The following USP34 variants were observed in gnomAD, a reference collection of about 807,000 sequenced individuals.
USP34 encodes ubiquitin carboxyl-terminal hydrolase 34.
A neutral mutation model predicts 460.3 loss-of-function variants in USP34; 70 were observed. That is an observed-to-expected ratio of 0.15 (90% CI 0.13 to 0.19). The LOEUF (loss-of-function observed/expected upper bound fraction) is 0.19. Among genes scored for constraint, USP34 ranks in the 10% least tolerant of loss-of-function variants. The probability of loss-of-function intolerance (pLI) is 1.00; values close to 1 mark genes in which losing one functional copy is unlikely to be tolerated. For missense variants in USP34, 3,985 were observed against 4,236.2 expected (o/e 0.94, Z 1.65); for synonymous variants, 1,647 against 1,405.3 (o/e 1.17, Z -3.85).
intron 62 of USP34, among the ~76,000 whole-genome samples, chr2:61,226,151 C>G (rs1195900811): frequency 6.6e-6 from 1 of 152,166 alleles, no homozygotes; most frequent in East Asian, 1.9e-4. Flanking sequence ...ACAGCAAAAT[C>G]ACGAACAAAA....
chr2:61,202,719 C>A (rs1558463860), intron 75 of USP34, among the ~76,000 whole-genome samples: 1 of 152,204 alleles, frequency 6.6e-6, no homozygotes, highest in South Asian at 2.1e-4. Flanking sequence ...GGCAAGCCCA[C>A]TGCTCTTGCC....
chr2:61,198,109 C>T (rs1329705159), intron 75 of USP34, among the ~76,000 whole-genome samples: 3 of 152,106 alleles, frequency 2.0e-5, no homozygotes, highest in Admixed American at 6.5e-5. Context: ...AATTACAAAA[C>T]CAATGCATAA....
chr2:61,359,769 G>T lies in USP34; in HGVS notation c.1252-9076C>A, dbSNP rs537282988. Among the ~76,000 whole-genome samples the T allele has an allele frequency of 2.4e-4, 34 of 141,704 alleles. 1 individual carries two copies. The East Asian group carries it at 7.0e-3, about 29-fold the overall frequency. The allele number at this position is 141,704 out of a possible 152,430, so 93.0% of individuals were successfully genotyped here. On this transcript the variant is annotated intron_variant, in intron 10 of 79. Transcript: ENST00000398571. ...CAGCATAAGAGGCCATATATGAAAA[G>T]CCCACAGTTGTTTTTTTTTTTTTTT...
In USP34 at chr2:61,188,457, T is replaced by A. The variant is rs1385334130; in HGVS notation, c.10286A>T (p.Asn3429Ile). The A allele has an allele frequency of 6.2e-7, 1 of 1,614,252 alleles. No individual in the cohort carries two copies. Among genetic ancestry groups the A allele is most frequent in the Admixed American group, 1.7e-5 (1 of 60,030 alleles). Residue 3429 changes from asparagine (N) to isoleucine (I), a missense_variant, in exon 80 of 80, where the codon AAT becomes ATT. Asn to Ile is a moderately radical substitution (Grantham distance 149). Coordinates refer to ENST00000398571, the MANE Select transcript of USP34 (RefSeq NM_014709.4). ...VPSSFSEDMS[N>I]IRSQHAEEQS... ...TTCTTCTGCATGCTGTGACCTGATA[T>A]TTGACATGTCTTCTGAAAACGAAGA... is the stretch of plus-strand genomic sequence containing the variant.
intron 43 of USP34, among the ~76,000 whole-genome samples, chr2:61,262,742 C>A (rs1349907278): frequency 2.0e-5 from 3 of 152,180 alleles, no homozygotes; most frequent in Non-Finnish European, 4.4e-5. Context: ...GTTTAAAGTT[C>A]TTTCAGAAAT....
At chr2:61,460,154 T>C (rs1250157527) in intron 1 of USP34, among the ~76,000 whole-genome samples, 1 of 152,206 alleles carries the variant, frequency 6.6e-6, no homozygotes, top group Non-Finnish European at 1.5e-5. Flanking sequence ...ATTACAATAG[T>C]CTCCCTTATT....
chr2:61,262,619 C>T (rs1572881801), intron 43 of USP34, among the ~76,000 whole-genome samples: 1 of 152,022 alleles, frequency 6.6e-6, no homozygotes, highest in South Asian at 2.1e-4. Context: ...CATGTTTTTG[C>T]TAGTGTGAAC....
intron 10 of USP34, among the ~76,000 whole-genome samples, chr2:61,367,976 A>T (rs1692489524): frequency 6.6e-6 from 1 of 152,194 alleles, no homozygotes. Context: ...AATATTACAA[A>T]GAGGCAAGTA....
chr2:61,270,546 G>A (rs183269361), intron 41 of USP34, among the ~76,000 whole-genome samples: 79 of 152,148 alleles, frequency 5.2e-4, no homozygotes, highest in South Asian at 2.1e-3. Flanking sequence ...AGGGATTCTC[G>A]TGCCTCAGCC....
chr2:61,412,519 C>T (rs1694070957), intron 2 of USP34, among the ~76,000 whole-genome samples: 1 of 151,836 alleles, frequency 6.6e-6, no homozygotes. Context: ...AAAATTATAG[C>T]AATTTGTAAA....
chr2:61,430,074 G>A (rs780598063), intron 1 of USP34, among the ~76,000 whole-genome samples: 17 of 152,120 alleles, frequency 1.1e-4, no homozygotes, highest in East Asian at 1.9e-4. Flanking sequence ...AATTAGCCGC[G>A]CGTGGTGGTG....
At position 61,317,363 on chromosome 2, in the gene USP34, C is replaced by A. The variant is rs111242282; in HGVS notation, c.3282+291G>T. ...GTAACATGGTAAAACCCTGTCTCTA[C>A]CAAAAATACAAAAATTAGCCAGGCA... On this transcript the variant is annotated intron_variant, in intron 23 of 79. Transcript: ENST00000398571. Among the ~76,000 whole-genome samples the A allele has an allele frequency of 9.0e-3, 1,362 of 152,112 alleles. 18 individuals carry two copies. Among genetic ancestry groups the A allele is most frequent in the African/African-American group, 0.031 (1,297 of 41,500 alleles).
At position 61,265,481 on chromosome 2, in the gene USP34, G is replaced by A. The variant is rs1253437586; in HGVS notation, c.5694C>T (p.Asn1898=). 1 of 1,613,430 alleles carries A rather than the reference G, an allele frequency of 6.2e-7. No homozygotes were observed. The highest frequency in any genetic ancestry group is 1.3e-5 in the African/African-American group (1 of 74,884). ...RAECRFVGLT[N]LGATCYLAST... Reference sequence around the variant, plus strand: ...AAGCTAAGTAACAAGTAGCTCCAAGGTTAGTAAGGCCAACAAATCTACATT... The same window carrying A: ...AAGCTAAGTAACAAGTAGCTCCAAGATTAGTAAGGCCAACAAATCTACATT... The change falls in exon 43 of 80, where the codon AAC becomes AAT. Residue 1898 remains asparagine, a synonymous_variant. Transcript: ENST00000398571.
intron 58 of USP34, among the ~76,000 whole-genome samples, chr2:61,230,284 C>G (rs1428980881): frequency 6.6e-6 from 1 of 152,094 alleles, no homozygotes; most frequent in Non-Finnish European, 1.5e-5. Flanking sequence ...AATCCCAGCA[C>G]TTTGGGAGGC....
rs1470139265 is a variant in USP34, at chr2:61,190,077, T to C, written c.9873+194A>G. On this transcript the variant is annotated intron_variant, in intron 78 of 79. Transcript: ENST00000398571. ...GCATTTAATGATACCAGCTTGTAGC[T>C]TCCAAGGTGATAGAGTGTGCTGTGT... 1.5e-5 allele frequency: 8 copies of C among 541,710 alleles called. No homozygotes were observed. The East Asian group carries it at 2.6e-4, about 18-fold the overall frequency. 33.6% of individuals were successfully genotyped at this position (541,710 alleles called of 1,614,324 possible). A position where few individuals can be genotyped will look rare whatever the true frequency, so the allele number is the denominator to read the frequency against.
chr2:61,238,916 GTC>G (rs1178998232), intron 53 of USP34, among the ~76,000 whole-genome samples: 8 of 151,788 alleles, frequency 5.3e-5, no homozygotes, highest in Non-Finnish European at 1.2e-4. Flanking sequence ...CTCACTTTCT[GTC>G]TCTGTCACAC....
In USP34 at chr2:61,204,516, G is replaced by A; in HGVS notation, c.9240C>T (p.Tyr3080=). ...ACGTACTTGGTATATTACTGTGATG[G>A]TAAGTACAATGGTTGTGTTGTAGAA... is the stretch of plus-strand genomic sequence containing the variant. ...VPFLQHNHCT[Y]HHSNIPMSLG... The change falls in exon 73 of 80, where the codon TAC becomes TAT. Residue 3080 remains tyrosine (Y), a synonymous_variant. Coordinates refer to ENST00000398571, the MANE Select transcript of USP34 (RefSeq NM_014709.4). 1 of 1,614,012 alleles carries A rather than the reference G, an allele frequency of 6.2e-7. No homozygotes were observed.
At chr2:61,399,779 C>T (rs1407031401) in intron 3 of USP34, among the ~76,000 whole-genome samples, 3 of 145,020 alleles carry the variant, frequency 2.1e-5, no homozygotes, top group Non-Finnish European at 4.5e-5. Context: ...ACGCTGAGGC[C>T]GGTGAATCGC....
chr2:61,188,263 G>T lies in USP34; in HGVS notation c.10480C>A (p.Gln3494Lys), dbSNP rs767323813. Residue 3494 changes from glutamine to lysine, a missense_variant, in exon 80 of 80, where the codon CAG (glutamine) becomes AAG (lysine). Coordinates refer to ENST00000398571, the MANE Select transcript of USP34 (RefSeq NM_014709.4). ...AGAGATAAAGCAACCTCAGGGTCCT[G>T]GGAGGGCAAAGCTTGGCCATCACAG... ...RSCDGQALPSQDPEVALSLSC... is the reference protein window; with the variant it reads ...RSCDGQALPSKDPEVALSLSC... 1.2e-6 allele frequency: 2 copies of T among 1,613,940 alleles called. No individual in the cohort carries two copies. Among genetic ancestry groups the T allele is most frequent in the African/African-American group, 2.7e-5 (2 of 74,898 alleles).
Sources: allele counts gnomAD v4.1 joint callset (sites outside exome capture counted in the v4.1 genomes callset), GRCh38; gene constraint gnomAD v4.1.1; transcripts MANE v1.5; gene names NCBI Gene and HGNC (gene_info 2026-07-23, HGNC 2026-07-21).